Variants in UNC80 observed in about 807,000 individuals in gnomAD.
The protein encoded by UNC80 is unc-80 subunit of NALCN channel complex.
A neutral mutation model predicts 384.6 loss-of-function variants in UNC80; 164 were observed. The observed-to-expected ratio is 0.43, with a 90% confidence interval of 0.38 to 0.49. The LOEUF (loss-of-function observed/expected upper bound fraction) is 0.49. Ranked by LOEUF, UNC80 falls within the 20% of genes least tolerant of loss-of-function variation. The pLI, the probability that UNC80 is intolerant of heterozygous loss-of-function variation, is 0.00. For synonymous variants in UNC80, 1,486 were observed against 1,527.8 expected, an observed-to-expected ratio of 0.97 and a Z score of 0.64; for missense variants, 3,330 against 4,143.0, an observed-to-expected ratio of 0.80 and a Z score of 5.39.
intron 21 of UNC80, among the ~76,000 whole-genome samples, chr2:209,847,661 A>T (rs2082262527): frequency 6.6e-6 from 1 of 152,038 alleles, no homozygotes; most frequent in Admixed American, 6.6e-5. Context: ...TTCTTTTAGT[A>T]GTATTGAATA....
intron 7 of UNC80, among the ~76,000 whole-genome samples, chr2:209,799,884 A>G (rs2078428323): frequency 6.6e-6 from 1 of 152,176 alleles, no homozygotes; most frequent in African/African-American, 2.4e-5. Flanking sequence ...ATTGATTTGC[A>G]TATGTTGAAC....
chr2:209,810,750 G>A (rs1291089947), intron 7 of UNC80, among the ~76,000 whole-genome samples: 1 of 152,202 alleles, frequency 6.6e-6, no homozygotes, highest in Non-Finnish European at 1.5e-5. Flanking sequence ...TTCCAATGGG[G>A]AGGAAATAAT....
At chr2:209,844,531 CCTTCCTTCCTTCCTTCCTT>C in intron 21 of UNC80, among the ~76,000 whole-genome samples, 3 of 129,716 alleles carry the variant, frequency 2.3e-5, no homozygotes, top group Admixed American at 1.6e-4. Context: ...TTCCTTCCTT[CCTTCCTTCCTTCCTTCCTT>C]TTTCTTTCCA....
At chr2:209,946,080 G>A (rs1056662339) in intron 47 of UNC80, 137 bp downstream of exon 47, 9 of 682,540 alleles carry the variant, frequency 1.3e-5, no homozygotes, top group Middle Eastern at 2.7e-4. Context: ...CTAAATTTAG[G>A]CCAGGTGTGG....
At position 209,817,975 on chromosome 2, in the gene UNC80, G is replaced by C. The variant is rs747714508; in HGVS notation, c.1693+23G>C. ...AAGGTGGGTAGGAGGTGGGGCCTAC[G>C]GGCAGGAGTTCAGAGTTCTTTTTTT... On this transcript the variant is annotated intron_variant, in intron 11 of 64. Transcript: ENST00000673920. The C allele has an allele frequency of 2.6e-6, 4 of 1,550,864 alleles. No homozygotes were observed. In the African/African-American group the frequency reaches 4.1e-5, roughly 16 times the overall value.
At chr2:209,891,067 T>C (rs1051401905) in intron 26 of UNC80, among the ~76,000 whole-genome samples, 2 of 152,198 alleles carry the variant, frequency 1.3e-5, no homozygotes, top group South Asian at 4.1e-4. Context: ...TAGCATCCTA[T>C]AGACAATGAC....
rs1230611892 is a variant in UNC80 at position 209,840,609 on chromosome 2, C to G, written c.3318C>G (p.Ser1106Arg). 2 of 1,551,978 alleles carry G rather than the reference C, an allele frequency of 1.3e-6. No homozygotes were observed. Among genetic ancestry groups the G allele is most frequent in the Non-Finnish European group, 1.7e-6 (2 of 1,147,008 alleles). Residue 1106 changes from serine to arginine, a missense_variant, in exon 20 of 65, where the codon AGC becomes AGG. Transcript: ENST00000673920. The stretch of plus-strand genomic sequence containing the variant: ...GTGTGGAGGACCTCCTGGACATTAG[C>G]TCTGTGGACCGACTCTCTTTCATCA... ...ADGVEDLLDI[S>R]SVDRLSFIRQ... is the part of the protein sequence containing the mutation.
intron 23 of UNC80, among the ~76,000 whole-genome samples, chr2:209,873,861 G>T (rs2084528085): frequency 6.6e-6 from 1 of 152,122 alleles, no homozygotes; most frequent in Non-Finnish European, 1.5e-5. Context: ...CAAAAGGCAT[G>T]AATTGTATTT....
At chr2:209,789,665 G>A in intron 6 of UNC80, 60 bp downstream of exon 6, 1 of 1,230,022 alleles carries the variant, frequency 8.1e-7, no homozygotes, top group Non-Finnish European at 1.2e-6. Context: ...ATAGTGTAGT[G>A]TGAAGGGAAA....
At chr2:209,884,723 A>G (rs1233215173) in intron 25 of UNC80, among the ~76,000 whole-genome samples, 2 of 152,252 alleles carry the variant, frequency 1.3e-5, no homozygotes, top group Non-Finnish European at 2.9e-5. Context: ...AGCCATAAAA[A>G]GGAATGAGAT....
At position 209,959,665 on chromosome 2, in the gene UNC80, G is replaced by A. The variant is rs1396239022; in HGVS notation, c.7763G>A (p.Arg2588Gln). Residue 2588 changes from arginine to glutamine, a missense_variant, in exon 51 of 65, where the codon CGG (arginine) becomes CAG (glutamine). Coordinates refer to ENST00000673920, the MANE Select transcript of UNC80 (RefSeq NM_001371986.1). The part of the protein sequence containing the change: ...KILQNLAGEP[R>Q]VIALELLDVK... ...TTGCAAAATCTGGCTGGGGAGCCTC[G>A]GGTCATTGCCTTGGAACTGCTGGAT... The A allele has an allele frequency of 1.9e-6, 3 of 1,551,644 alleles. No homozygotes were observed. The highest frequency in any genetic ancestry group is 2.6e-6 in the Non-Finnish European group (3 of 1,146,946).
chr2:209,806,527 C>T (rs1336515866), intron 7 of UNC80, among the ~76,000 whole-genome samples: 1 of 152,214 alleles, frequency 6.6e-6, no homozygotes, highest in Non-Finnish European at 1.5e-5. Flanking sequence ...GAGGTTTTCT[C>T]TCTGCCCAGC....
intron 28 of UNC80, among the ~76,000 whole-genome samples, chr2:209,897,963 T>G (rs1017631269): frequency 2.6e-5 from 4 of 152,196 alleles, no homozygotes; most frequent in African/African-American, 9.6e-5. Context: ...TGATATTTTT[T>G]GCTAAGATTT....
Position 209,872,694 on chromosome 2 carries a change from A to G in UNC80, c.3628-64A>G. 1 of 1,381,714 alleles carries G rather than the reference A, an allele frequency of 7.2e-7. No homozygotes were observed. 85.6% of individuals were successfully genotyped at this position (1,381,714 alleles called of 1,614,324 possible). A position where few individuals can be genotyped will look rare whatever the true frequency, so the allele number is the denominator to read the frequency against. On this transcript the variant is annotated intron_variant, in intron 22 of 64. Coordinates refer to ENST00000673920, the MANE Select transcript of UNC80 (RefSeq NM_001371986.1). The surrounding 1 kb of genome is among the most constrained non-coding windows in gnomAD (Gnocchi z 4.1). ...CTAAAAATACACAGTAATTCCCTTT[A>G]AGACCAATTTAAAGTTATTGTTCAT...
intron 24 of UNC80, among the ~76,000 whole-genome samples, chr2:209,879,868 G>GA (rs67843463): frequency 2.0e-5 from 3 of 151,832 alleles, no homozygotes; most frequent in Admixed American, 6.6e-5. Flanking sequence ...TGGTTTTCCT[G>GA]AAAAAAACGA....
chr2:209,779,500 T>G, intron 4 of UNC80, among the ~76,000 whole-genome samples: 1 of 152,196 alleles, frequency 6.6e-6, no homozygotes, highest in East Asian at 1.9e-4. Context: ...TTGTTAGCAC[T>G]TACAAGTACC....
At chr2:209,914,453 A>G (rs1166766059) in intron 31 of UNC80, among the ~76,000 whole-genome samples, 2 of 152,158 alleles carry the variant, frequency 1.3e-5, no homozygotes, top group Admixed American at 6.5e-5. Flanking sequence ...CTAAATTTGT[A>G]TCTGGTTATT....
chr2:209,912,473 G>C, intron 29 of UNC80, 87 bp from the exon 30 acceptor site: 1 of 748,928 alleles, frequency 1.3e-6, no homozygotes. Flanking sequence ...CTAGAAGATG[G>C]TTGCCTGGAG....
rs1467565446 is a variant in UNC80, at chr2:209,984,872, G to A, written c.9274G>A (p.Asp3092Asn). 4.5e-6 allele frequency: 7 copies of A among 1,547,824 alleles called. No individual in the cohort carries two copies. The highest frequency in any genetic ancestry group is 1.4e-5 in the African/African-American group (1 of 71,866). ...CTCCTGCAGTGAACCTAATGTCCTC[G>A]ATGACTCCCAGGGCCTGGCCGCCGA... ...LPSQSEPNVL[D>N]DSQGLAAEGS... Residue 3092 changes from aspartate (D) to asparagine (N), a missense_variant, in exon 61 of 65, where the codon GAT (aspartate) becomes AAT (asparagine). Asp to Asn is a conservative substitution (Grantham distance 23, BLOSUM62 1). Around this residue, in one of 8 missense-constraint regions of UNC80, gnomAD observed 216 missense variants for 245.3 expected, o/e 0.88. Coordinates refer to ENST00000673920, the MANE Select transcript of UNC80 (RefSeq NM_001371986.1).
Sources: allele counts gnomAD v4.1 joint callset (sites outside exome capture counted in the v4.1 genomes callset), GRCh38; gene constraint gnomAD v4.1.1; regional missense constraint gnomAD v4.1.1; non-coding constraint Gnocchi (gnomAD v3.1); transcripts MANE v1.5; gene names NCBI Gene and HGNC (gene_info 2026-07-23, HGNC 2026-07-21).